CACNA2D3: variants seen among roughly 807,000 people sequenced by gnomAD.
CACNA2D3 encodes the protein voltage-dependent calcium channel subunit alpha-2/delta-3.
Under a neutral mutation model 160.6 loss-of-function variants are expected in CACNA2D3, and 60 were observed. The observed-to-expected ratio is 0.37, with a 90% CI of 0.30 to 0.46. The LOEUF (loss-of-function observed/expected upper bound fraction) is 0.46, where lower values mean the gene tolerates loss of function less well. Ranked by LOEUF, CACNA2D3 falls within the 20% of genes least tolerant of loss-of-function variation. CACNA2D3 has a pLI of 1.00. For missense variants in CACNA2D3, 1,205 were observed against 1,365.0 expected (o/e 0.88, Z 1.85); for synonymous variants, 558 against 492.9 (o/e 1.13, Z -1.75).
intron 5 of CACNA2D3, among the ~76,000 whole-genome samples, chr3:54,513,165 T>C (rs7636708): frequency 0.31 from 47,813 of 152,088 alleles, 7,889 homozygotes; most frequent in East Asian, 0.45. Context: ...GCTTTCCTTT[T>C]GCTGGTAACT....
Position 54,659,988 on chromosome 3 carries a change from G to T in CACNA2D3, c.1167+17747G>T, listed in dbSNP as rs369420764. ...ACTGCTTTGTGTATTTAATGGCATA[G>T]GCAGACAAAATAATGACTTACCCTT... On this transcript the variant is annotated intron_variant, in intron 11 of 37. Transcript: ENST00000474759. Among the ~76,000 whole-genome samples the T allele has an allele frequency of 1.3e-4, 20 of 152,104 alleles. No individual in the cohort carries two copies. In the East Asian group the frequency reaches 3.7e-3, roughly 28 times the overall value.
At chr3:54,169,991 C>G (rs1700533886) in intron 2 of CACNA2D3, among the ~76,000 whole-genome samples, 1 of 151,902 alleles carries the variant, frequency 6.6e-6, no homozygotes, top group African/African-American at 2.4e-5. Context: ...AGTTGGAGAC[C>G]AGCCTGGCCA....
At chr3:54,693,116 A>G (rs911437030) in intron 11 of CACNA2D3, among the ~76,000 whole-genome samples, 8 of 152,218 alleles carry the variant, frequency 5.3e-5, no homozygotes, top group Admixed American at 1.3e-4. Flanking sequence ...TTGCTTTGTC[A>G]ATATGTTAAG....
intron 31 of CACNA2D3, among the ~76,000 whole-genome samples, chr3:54,988,411 C>T (rs1361888749): frequency 6.6e-6 from 1 of 152,178 alleles, no homozygotes; most frequent in Non-Finnish European, 1.5e-5. Context: ...CTTGGGAATA[C>T]CTAAACTTCT....
At chr3:54,819,433 T>A (rs1559594091) in intron 14 of CACNA2D3, among the ~76,000 whole-genome samples, 1 of 152,182 alleles carries the variant, frequency 6.6e-6, no homozygotes, top group Non-Finnish European at 1.5e-5. Flanking sequence ...AGCAGTCATA[T>A]CTGAGGGGTG....
chr3:54,595,100 G>A (rs1297111751), intron 9 of CACNA2D3, among the ~76,000 whole-genome samples: 1 of 152,152 alleles, frequency 6.6e-6, no homozygotes, highest in Non-Finnish European at 1.5e-5. Context: ...GATGTGTTGG[G>A]ACATTTATGT....
At chr3:54,458,627 T>G (rs1700441735) in intron 4 of CACNA2D3, among the ~76,000 whole-genome samples, 1 of 152,068 alleles carries the variant, frequency 6.6e-6, no homozygotes, top group Admixed American at 6.6e-5. Context: ...TTTGACAATT[T>G]GACTACAGTG....
intron 4 of CACNA2D3, among the ~76,000 whole-genome samples, chr3:54,441,796 G>A (rs138191460): frequency 2.6e-5 from 4 of 152,112 alleles, no homozygotes; most frequent in East Asian, 1.9e-4. Context: ...AAGATTATCC[G>A]TTACCCAACA....
At chr3:54,686,587 A>T (rs1329148137) in intron 11 of CACNA2D3, among the ~76,000 whole-genome samples, 3 of 152,180 alleles carry the variant, frequency 2.0e-5, no homozygotes, top group Non-Finnish European at 2.9e-5. Flanking sequence ...ATGTTTCCCA[A>T]ACTGTGGGCC....
At chr3:54,982,512 C>T (rs979243363) in intron 29 of CACNA2D3, among the ~76,000 whole-genome samples, 6 of 152,072 alleles carry the variant, frequency 3.9e-5, no homozygotes, top group African/African-American at 1.4e-4. Flanking sequence ...TCAGTATCAT[C>T]CACCTGGGAT....
intron 2 of CACNA2D3, among the ~76,000 whole-genome samples, chr3:54,181,336 C>T (rs1027272476): frequency 2.0e-5 from 3 of 152,152 alleles, no homozygotes; most frequent in African/African-American, 7.2e-5. Context: ...AAATAAACTT[C>T]CCTAAGGATG....
At chr3:54,245,839 G>C (rs992279454) in intron 2 of CACNA2D3, among the ~76,000 whole-genome samples, 2 of 152,180 alleles carry the variant, frequency 1.3e-5, no homozygotes, top group African/African-American at 4.8e-5. Flanking sequence ...ATGCAAGAAT[G>C]ATTACTTTTA....
chr3:54,854,084 C>T (rs1250066150), intron 17 of CACNA2D3, among the ~76,000 whole-genome samples: 4 of 152,096 alleles, frequency 2.6e-5, no homozygotes, highest in Non-Finnish European at 4.4e-5. Flanking sequence ...AGAGCCCGGG[C>T]GACTGCAACC....
chr3:54,793,739 TAATAA>T (rs1170501904), intron 13 of CACNA2D3, among the ~76,000 whole-genome samples: 1 of 152,238 alleles, frequency 6.6e-6, no homozygotes, highest in Non-Finnish European at 1.5e-5. Context: ...AATGCTGATG[TAATAA>T]AATGAGTTGG....
chr3:54,974,598 C>A lies in CACNA2D3; in HGVS notation c.2556+4754C>A, dbSNP rs567520802. On this transcript the variant is annotated intron_variant, in intron 29 of 37. Coordinates refer to ENST00000474759, the MANE Select transcript of CACNA2D3 (RefSeq NM_018398.3). ...AACTTCAGGTATCTACCTGATCCAC[C>A]TCTGTGACTAAGAATCAGACTTCTC... 3.3e-4 allele frequency among the ~76,000 whole-genome samples: 51 copies of A among 152,334 alleles called. No individual in the cohort carries two copies. The South Asian group carries it at 6.6e-3, about 20-fold the overall frequency.
chr3:54,656,694 C>T (rs994935539), intron 11 of CACNA2D3, among the ~76,000 whole-genome samples: 4 of 152,228 alleles, frequency 2.6e-5, no homozygotes, highest in African/African-American at 9.6e-5. Context: ...GCTACCTGCA[C>T]ACAAGGTGCA....
intron 9 of CACNA2D3, among the ~76,000 whole-genome samples, chr3:54,618,375 GCACACACACACACA>G (rs56788185): frequency 2.6e-5 from 3 of 115,514 alleles, no homozygotes; most frequent in Non-Finnish European, 5.1e-5. Flanking sequence ...ATATATATAT[GCACACACACACACA>G]CACACACACA....
chr3:54,714,604 C>T (rs745992396), intron 11 of CACNA2D3, among the ~76,000 whole-genome samples: 5 of 152,200 alleles, frequency 3.3e-5, no homozygotes, highest in Admixed American at 6.5e-5. Flanking sequence ...CAGCCCAACT[C>T]TTCCAACTTG....
intron 27 of CACNA2D3, among the ~76,000 whole-genome samples, chr3:54,968,160 G>A (rs1424886382): frequency 2.0e-5 from 3 of 152,014 alleles, no homozygotes; most frequent in Non-Finnish European, 2.9e-5. Context: ...GTTGGGGTGG[G>A]GGTAGGGGCA....
Sources: gnomAD v4.1 joint callset for allele counts (sites outside exome capture counted in the v4.1 genomes callset) on GRCh38, gnomAD v4.1.1 for gene constraint, MANE v1.5 for transcripts, NCBI Gene and HGNC (gene_info 2026-07-23, HGNC 2026-07-21) for gene names.